Variants in NEGR1 observed in about 807,000 individuals in gnomAD.
NEGR1 encodes IgLON family member 4.
Under a neutral mutation model 40.9 loss-of-function variants are expected in NEGR1, and 10 were observed. That is an observed-to-expected ratio of 0.24 (90% CI 0.15 to 0.42). The LOEUF (loss-of-function observed/expected upper bound fraction) is 0.42, where lower values mean the gene tolerates loss of function less well. Ranked by LOEUF, NEGR1 falls within the 10% of genes least tolerant of loss-of-function variation. The pLI is 1.00. For synonymous variants in NEGR1, 185 were observed against 166.8 expected, an observed-to-expected ratio of 1.11 and a Z score of -0.84; for missense variants, 352 against 438.9, an observed-to-expected ratio of 0.80 and a Z score of 1.77.
At chr1:71,950,544 T>A (rs1646060376) in intron 1 of NEGR1, among the ~76,000 whole-genome samples, 1 of 152,016 alleles carries the variant, frequency 6.6e-6, no homozygotes, top group South Asian at 2.1e-4. Context: ...TCTCTATAGT[T>A]CTCTACCTTA....
chr1:71,525,215 C>T (rs1287253217), intron 6 of NEGR1, among the ~76,000 whole-genome samples: 1 of 151,734 alleles, frequency 6.6e-6, no homozygotes, highest in Non-Finnish European at 1.5e-5. Flanking sequence ...AGTGTTCAGC[C>T]TGTAGGGCTG....
intron 1 of NEGR1, among the ~76,000 whole-genome samples, chr1:72,280,443 A>G (rs1656204661): frequency 6.6e-6 from 1 of 152,188 alleles, no homozygotes; most frequent in South Asian, 2.1e-4. Context: ...TGCAGCTCCC[A>G]TGATATGTGT....
At chr1:71,975,747 G>A (rs1415755179) in intron 1 of NEGR1, among the ~76,000 whole-genome samples, 1 of 152,142 alleles carries the variant, frequency 6.6e-6, no homozygotes, top group Non-Finnish European at 1.5e-5. Context: ...GCGACTGAAG[G>A]CGGGTTCTCT....
In NEGR1 at chr1:72,058,639, G is replaced by A. The variant is rs150064434; in HGVS notation, c.177-123328C>T. Among the ~76,000 whole-genome samples the A allele has an allele frequency of 2.3e-3, 344 of 151,696 alleles. 1 individual carries two copies. Among genetic ancestry groups the A allele is most frequent in the Non-Finnish European group, 4.2e-3 (285 of 67,696 alleles). On this transcript the variant is annotated intron_variant, in intron 1 of 6. Transcript: ENST00000357731. The stretch of plus-strand genomic sequence containing the variant: ...GATGAGCTAGGCATCTGCTACAGCT[G>A]TCTTTAAAGTTTTGTGTTATTAGGT...
intron 1 of NEGR1, among the ~76,000 whole-genome samples, chr1:72,277,472 C>A (rs1468704114): frequency 1.3e-5 from 2 of 152,130 alleles, no homozygotes; most frequent in African/African-American, 2.4e-5. Flanking sequence ...TTGAATTCTT[C>A]TGAACTAAAA....
chr1:72,262,802 TA>T (rs564210627), intron 1 of NEGR1, among the ~76,000 whole-genome samples: 10 of 151,942 alleles, frequency 6.6e-5, no homozygotes, highest in East Asian at 5.8e-4. Context: ...CAATCTCTTA[TA>T]AAAAAAATCT....
Position 71,400,833 on chromosome 1 carries a change from G to A in NEGR1, c.*6613C>T, listed in dbSNP as rs1646242621. On this transcript the variant is annotated 3_prime_UTR_variant, in exon 7 of 7. Transcript: ENST00000357731. ...GGATCACTTGAGGTCAGGAGTTCTAGACCAGACTGGCCAACATGGTGAAAC... is the reference window on the plus strand; with the variant it reads ...GGATCACTTGAGGTCAGGAGTTCTAAACCAGACTGGCCAACATGGTGAAAC... The A allele has an allele frequency of 6.6e-6, 1 of 152,206 alleles. No homozygotes were observed. The highest frequency in any genetic ancestry group is 6.6e-5 in the Admixed American group (1 of 15,264). The allele number at this position is 152,206 out of a possible 1,614,324, so 9.4% of individuals were successfully genotyped here.
rs1650918224 is a variant in NEGR1, at chr1:71,629,918, C to T, written c.668-18772G>A. ...GATAAATACATTTGTATTATATGAC[C>T]AAATACTGACATCAATGCCTTTTTC... On this transcript the variant is annotated intron_variant, in intron 4 of 6. Coordinates refer to ENST00000357731, the MANE Select transcript of NEGR1 (RefSeq NM_173808.3). Among the ~76,000 whole-genome samples, 8 of 151,968 alleles carry T rather than the reference C, an allele frequency of 5.3e-5. No homozygotes were observed. In the South Asian group the frequency reaches 1.7e-3, roughly 32 times the overall value.
intron 1 of NEGR1, among the ~76,000 whole-genome samples, chr1:72,163,593 T>C (rs1432666639): frequency 6.6e-6 from 1 of 152,072 alleles, no homozygotes; most frequent in Non-Finnish European, 1.5e-5. Flanking sequence ...TGTTATCTAA[T>C]TTAATTAAAT....
At chr1:72,156,003 G>C (rs1651342805) in intron 1 of NEGR1, among the ~76,000 whole-genome samples, 1 of 152,106 alleles carries the variant, frequency 6.6e-6, no homozygotes, top group Non-Finnish European at 1.5e-5. Flanking sequence ...TAGTTGAAGT[G>C]TGCTTTTGAT....
At chr1:71,874,239 A>G (rs1557684550) in intron 2 of NEGR1, among the ~76,000 whole-genome samples, 1 of 152,172 alleles carries the variant, frequency 6.6e-6, no homozygotes, top group Non-Finnish European at 1.5e-5. Context: ...ATTAATTTGC[A>G]CTTAGTACCT....
intron 3 of NEGR1, among the ~76,000 whole-genome samples, chr1:71,770,800 A>G (rs1473453640): frequency 6.6e-6 from 1 of 152,230 alleles, no homozygotes; most frequent in Non-Finnish European, 1.5e-5. Context: ...TCAGGAAACA[A>G]CAAATGCTGG....
At chr1:71,673,595 G>A (rs1570181965) in intron 4 of NEGR1, among the ~76,000 whole-genome samples, 1 of 151,892 alleles carries the variant, frequency 6.6e-6, no homozygotes, top group Non-Finnish European at 1.5e-5. Flanking sequence ...TTCTCTTAAG[G>A]GAGAATATTT....
chr1:71,642,818 A>C (rs1341354341), intron 4 of NEGR1, among the ~76,000 whole-genome samples: 1 of 152,000 alleles, frequency 6.6e-6, no homozygotes, highest in Non-Finnish European at 1.5e-5. Context: ...ATGTCCTATA[A>C]AAGTTAAATG....
intron 1 of NEGR1, among the ~76,000 whole-genome samples, chr1:72,013,978 A>T (rs1248329997): frequency 1.4e-5 from 2 of 138,500 alleles, no homozygotes; most frequent in African/African-American, 3.0e-5. Flanking sequence ...AAAAAAAAAA[A>T]AAAAAAAAAA....
chr1:71,916,087 A>T (rs1342952894), intron 2 of NEGR1, among the ~76,000 whole-genome samples: 1 of 152,052 alleles, frequency 6.6e-6, no homozygotes, highest in Non-Finnish European at 1.5e-5. Context: ...GAGAGAAGAG[A>T]GGGGCAGAAG....
intron 1 of NEGR1, among the ~76,000 whole-genome samples, chr1:72,252,378 G>A (rs1655132143): frequency 6.6e-6 from 1 of 152,134 alleles, no homozygotes; most frequent in South Asian, 2.1e-4. Flanking sequence ...GTCTAGGGAA[G>A]TCAGGGAGTT....
At chr1:72,000,051 GA>G (rs1380579192) in intron 1 of NEGR1, among the ~76,000 whole-genome samples, 2 of 151,776 alleles carry the variant, frequency 1.3e-5, no homozygotes, top group Admixed American at 1.3e-4. Flanking sequence ...ATAACACTAC[GA>G]AAGGTATGCT....
chr1:72,033,298 A>T lies in NEGR1; in HGVS notation c.177-97987T>A, dbSNP rs17092172. Reference sequence around the variant, plus strand: ...ATTGAAGAACCTTTGGGCTATTTTAATATTCAAATCGGCTGAATATTTAGC... The same window carrying T: ...ATTGAAGAACCTTTGGGCTATTTTATTATTCAAATCGGCTGAATATTTAGC... On this transcript the variant is annotated intron_variant, in intron 1 of 6. Transcript: ENST00000357731. 4.9e-3 allele frequency among the ~76,000 whole-genome samples: 745 copies of T among 152,302 alleles called. 3 individuals carry two copies. Among genetic ancestry groups the T allele is most frequent in the African/African-American group, 0.016 (685 of 41,570 alleles).
Sources: allele counts gnomAD v4.1 joint callset (sites outside exome capture counted in the v4.1 genomes callset), GRCh38; gene constraint gnomAD v4.1.1; transcripts MANE v1.5; gene names NCBI Gene and HGNC (gene_info 2026-07-23, HGNC 2026-07-21).